Variants in SQSTM1 observed in about 807,000 individuals in gnomAD.
SQSTM1 encodes the protein sequestosome-1.
In SQSTM1, 36 loss-of-function variants were observed where a neutral mutation model predicts 45.1. The ratio of observed to expected loss-of-function variants is 0.80; its 90% confidence interval spans 0.61 to 1.05. The LOEUF is 1.05. Among genes scored for constraint, SQSTM1 ranks in the 50% least tolerant of loss-of-function variants. The pLI is 0.00. For missense variants in SQSTM1, 617 were observed against 607.1 expected (o/e 1.02, Z -0.17); for synonymous variants, 290 against 244.3 (o/e 1.19, Z -1.74).
At chr5:179,816,322 T>A (rs542478100), upstream of SQSTM1, among the ~76,000 whole-genome samples, 11 of 152,254 alleles carry the variant, frequency 7.2e-5, no homozygotes, top group Admixed American at 2.0e-4. Flanking sequence ...CTAATTTTTT[T>A]AATTTTTAGT....
chr5:179,833,300 GGCCT>G, intron 6 of SQSTM1, 54 bp downstream of exon 6: 6 of 1,490,236 alleles, frequency 4.0e-6, no homozygotes, highest in Non-Finnish European at 5.4e-6. Context: ...AGTGATCTGT[GGCCT>G]GCACCTCCGC....
At chr5:179,821,399 G>A (rs1757773744) in intron 1 of SQSTM1, among the ~76,000 whole-genome samples, 1 of 152,060 alleles carries the variant, frequency 6.6e-6, no homozygotes, top group African/African-American at 2.4e-5. Context: ...TGCCGGCCGG[G>A]GGCTCGAGCC....
At chr5:179,825,045 G>A (rs1033643097) in intron 4 of SQSTM1, 101 bp from the exon 5 acceptor site, 13 of 1,207,708 alleles carry the variant, frequency 1.1e-5, no homozygotes, top group African/African-American at 1.5e-5. Context: ...CGGGTTAAAG[G>A]TCACCCGGGA....
intron 5 of SQSTM1, among the ~76,000 whole-genome samples, chr5:179,826,908 A>G (rs1758016876): frequency 6.6e-6 from 1 of 152,018 alleles, no homozygotes; most frequent in Admixed American, 6.6e-5. Context: ...ATGCTTTCCA[A>G]GGAGGGTAAA....
chr5:179,822,709 C>T (rs572267029), intron 1 of SQSTM1: 11 of 534,316 alleles, frequency 2.1e-5, no homozygotes, highest in Non-Finnish European at 3.8e-5. Context: ...AGCTGCTGCC[C>T]CTGTGCACAG....
intron 5 of SQSTM1, 132 bp from the exon 6 acceptor site, chr5:179,832,900 A>T: frequency 1.1e-6 from 1 of 920,598 alleles, no homozygotes; most frequent in Non-Finnish European, 1.7e-6. Context: ...GCCACCATCC[A>T]GACACTTAGC....
In SQSTM1 at chr5:179,833,085, CCCGTCTCT is replaced by C. The variant is rs766055750; in HGVS notation, c.811_818del (p.Val271ArgfsTer19). The C allele has an allele frequency of 1.2e-6, 2 of 1,614,188 alleles. No homozygotes were observed. Among genetic ancestry groups the C allele is most frequent in the East Asian group, 4.5e-5 (2 of 44,876 alleles). ...CGGAGGGAAAAGAAGCCGCCTGACC[CCCGTCTCT>C]CCAGAGAGTTCCAGCACAGAGGAGA... On this transcript the variant is annotated frameshift_variant, in exon 6 of 8. Transcript: ENST00000389805. LOFTEE classifies it high-confidence loss of function.
At position 179,820,993 on chromosome 5, in the gene SQSTM1, G is replaced by A. The variant is rs1582002994; in HGVS notation, c.57G>A (p.Glu19=). Residue 19 remains glutamate (E), a synonymous_variant, in exon 1 of 8, where the codon GAG becomes GAA. Coordinates refer to ENST00000389805, the MANE Select transcript of SQSTM1 (RefSeq NM_003900.5). ...YLLGKEDAAR[E]IRRFSFCCSP... ...TGGGCAAGGAGGACGCGGCGCGCGA[G>A]ATTCGCCGCTTCAGCTTCTGCTGCA... 4 of 1,575,204 alleles carry A rather than the reference G, an allele frequency of 2.5e-6. No individual in the cohort carries two copies. The highest frequency in any genetic ancestry group is 3.4e-4 in the Middle Eastern group (2 of 5,922).
chr5:179,824,989 G>A (rs1257478458), intron 4 of SQSTM1, among the ~76,000 whole-genome samples, 157 bp from the exon 5 acceptor site: 1 of 152,034 alleles, frequency 6.6e-6, no homozygotes, highest in African/African-American at 2.4e-5. Context: ...GTGCAGAGTG[G>A]GAGGAAGGAG....
At chr5:179,836,300 T>G in intron 7 of SQSTM1, 136 bp from the exon 8 acceptor site, 2 of 1,163,600 alleles carry the variant, frequency 1.7e-6, no homozygotes, top group Non-Finnish European at 1.3e-6. Flanking sequence ...CACTGTGGCC[T>G]GTGAGGACGA....
At position 179,824,024 on chromosome 5, in the gene SQSTM1, A is replaced by T; in HGVS notation, c.468A>T (p.Gly156=). 4.3e-6 allele frequency: 7 copies of T among 1,613,946 alleles called. No individual in the cohort carries two copies. The highest frequency in any genetic ancestry group is 5.9e-6 in the Non-Finnish European group (7 of 1,180,016). ...ACGACTTGTGTAGCGTCTGCGAGGG[A>T]AAGGGCTTGCACCGGGGGCACACCA... ...PDYDLCSVCE[G]KGLHRGHTKL... The change falls in exon 3 of 8, where the codon GGA becomes GGT. Residue 156 remains glycine, a synonymous_variant. Transcript: ENST00000389805.
Position 179,833,630 on chromosome 5 carries a change from G to T in SQSTM1, c.1013G>T (p.Trp338Leu), listed in dbSNP as rs1319753919. Residue 338 changes from tryptophan (W) to leucine (L), a missense_variant, in exon 7 of 8, where the codon TGG becomes TTG. Transcript: ENST00000389805. Reference sequence around the variant, plus strand: ...AACTGTTCAGGAGGAGATGATGACTGGACCCATCTGTCTTCAAAAGAAGTG... The same window carrying T: ...AACTGTTCAGGAGGAGATGATGACTTGACCCATCTGTCTTCAAAAGAAGTG... ...SDNCSGGDDD[W>L]THLSSKEVDP... The T allele has an allele frequency of 6.2e-7, 1 of 1,614,142 alleles. No homozygotes were observed. Among genetic ancestry groups the T allele is most frequent in the Non-Finnish European group, 8.5e-7 (1 of 1,180,014 alleles).
At chr5:179,814,749 T>C (rs1757530256), upstream of SQSTM1, among the ~76,000 whole-genome samples, 1 of 152,038 alleles carries the variant, frequency 6.6e-6, no homozygotes, top group Non-Finnish European at 1.5e-5. Context: ...AGGGAACAGG[T>C]GAGTTAAATG....
intron 7 of SQSTM1, chr5:179,835,661 CAGAGGGAGACCGTGGAGAA>C (rs1484784951): frequency 1.4e-5 from 2 of 146,838 alleles, no homozygotes; most frequent in African/African-American, 2.5e-5. Flanking sequence ...GGCTCGGCAT[CAGAGGGAGACCGTGGAGAA>C]AGAGGGAGAG....
chr5:179,819,462 A>G (rs1005122257), upstream of SQSTM1, among the ~76,000 whole-genome samples: 2 of 152,136 alleles, frequency 1.3e-5, no homozygotes, highest in African/African-American at 4.8e-5. Flanking sequence ...CCTCAAAGCT[A>G]TGTTCCCAGA....
At chr5:179,835,240 G>A (rs1403241566) in intron 7 of SQSTM1, 5 of 177,572 alleles carry the variant, frequency 2.8e-5, no homozygotes, top group South Asian at 8.2e-5. Context: ...CATTCCAGAC[G>A]ATGGGCGGCC....
At chr5:179,819,551 G>C (rs555958973), upstream of SQSTM1, among the ~76,000 whole-genome samples, 5 of 152,252 alleles carry the variant, frequency 3.3e-5, no homozygotes, top group Non-Finnish European at 5.9e-5. Context: ...GCCGGCCCTC[G>C]GCGGGGGCCA....
chr5:179,811,353 G>T (rs1757392920), intron 1 of SQSTM1, among the ~76,000 whole-genome samples: 1 of 125,570 alleles, frequency 8.0e-6, no homozygotes, highest in Non-Finnish European at 1.7e-5. Context: ...TATGCAGGGG[G>T]AGGAGCTATG....
At chr5:179,819,512 G>C (rs1341719976), upstream of SQSTM1, among the ~76,000 whole-genome samples, 5 of 152,244 alleles carry the variant, frequency 3.3e-5, no homozygotes, top group South Asian at 4.1e-4. Context: ...TGCTCAGACC[G>C]GGCCATAGCC....
Sources: gnomAD v4.1 joint callset for allele counts (sites outside exome capture counted in the v4.1 genomes callset) on GRCh38, gnomAD v4.1.1 for gene constraint, MANE v1.5 for transcripts, NCBI Gene and HGNC (gene_info 2026-07-23, HGNC 2026-07-21) for gene names.